The following RBFOX1 variants were observed in gnomAD, a reference collection of about 807,000 sequenced individuals.
The protein encoded by RBFOX1 is RNA binding protein fox-1 homolog 1.
In RBFOX1, 8 loss-of-function variants were observed where a neutral mutation model predicts 57.7. The ratio of observed to expected loss-of-function variants is 0.14; its 90% CI spans 0.08 to 0.25. The LOEUF is 0.25. Ranked by LOEUF, RBFOX1 falls within the 10% of genes least tolerant of loss-of-function variation. RBFOX1 has a pLI of 1.00. For missense variants in RBFOX1, 611 were observed against 548.5 expected (o/e 1.11, Z -1.14); for synonymous variants, 326 against 222.4 (o/e 1.47, Z -4.15).
At chr16:6,487,150 G>GTA (rs1567401555) in intron 2 of RBFOX1, among the ~76,000 whole-genome samples, 1 of 84,762 alleles carries the variant, frequency 1.2e-5, no homozygotes, top group Non-Finnish European at 3.2e-5. Context: ...GTTTCTGTGT[G>GTA]TGTGTGTGTG....
At chr16:6,548,618 G>T (rs1486233310) in intron 2 of RBFOX1, among the ~76,000 whole-genome samples, 1 of 152,080 alleles carries the variant, frequency 6.6e-6, no homozygotes, top group Non-Finnish European at 1.5e-5. Flanking sequence ...TAAGCTGAAG[G>T]AAAAAAGAAT....
At chr16:7,643,955 A>G (rs1216144839) in intron 11 of RBFOX1, among the ~76,000 whole-genome samples, 1 of 152,194 alleles carries the variant, frequency 6.6e-6, no homozygotes, top group Non-Finnish European at 1.5e-5. Flanking sequence ...CCTGCAAATT[A>G]ACCCAGTCTA....
chr16:6,180,782 T>C (rs1287758284), intron 1 of RBFOX1, among the ~76,000 whole-genome samples: 1 of 152,124 alleles, frequency 6.6e-6, no homozygotes, highest in Non-Finnish European at 1.5e-5. Flanking sequence ...GCCAGGCTGG[T>C]CTCGAACTCC....
intron 4 of RBFOX1, among the ~76,000 whole-genome samples, chr16:5,919,714 T>G (rs1374099624): frequency 1.3e-5 from 2 of 152,214 alleles, no homozygotes; most frequent in Non-Finnish European, 2.9e-5. Flanking sequence ...CACCTTGATC[T>G]CGTTTCAAAA....
chr16:5,579,272 C>T (rs891892681), intron 2 of RBFOX1, among the ~76,000 whole-genome samples: 2 of 152,124 alleles, frequency 1.3e-5, no homozygotes, highest in Non-Finnish European at 2.9e-5. Context: ...TATGCAGAAA[C>T]CCTCCAGGCA....
At chr16:6,522,967 A>G (rs1240695477) in intron 2 of RBFOX1, among the ~76,000 whole-genome samples, 1 of 152,184 alleles carries the variant, frequency 6.6e-6, no homozygotes, top group Non-Finnish European at 1.5e-5. Flanking sequence ...GGTTCTTTAA[A>G]GAACCAGCTC....
chr16:6,175,612 C>T (rs1311680456), intron 1 of RBFOX1, among the ~76,000 whole-genome samples: 1 of 152,088 alleles, frequency 6.6e-6, no homozygotes, highest in East Asian at 1.9e-4. Context: ...CTCTCAAGGG[C>T]ACGCTGTAGG....
intron 4 of RBFOX1, among the ~76,000 whole-genome samples, chr16:7,340,619 C>G (rs1322429531): frequency 6.6e-6 from 1 of 152,160 alleles, no homozygotes; most frequent in Non-Finnish European, 1.5e-5. Flanking sequence ...TTCTCAGATT[C>G]ATGATCCATG....
intron 3 of RBFOX1, among the ~76,000 whole-genome samples, chr16:6,973,001 G>A (rs191688618): frequency 6.6e-6 from 1 of 152,072 alleles, no homozygotes; most frequent in Non-Finnish European, 1.5e-5. Flanking sequence ...CACGGTGGTA[G>A]GCACCTGTAA....
chr16:7,159,019 C>G (rs989130499), intron 4 of RBFOX1, among the ~76,000 whole-genome samples: 1 of 151,816 alleles, frequency 6.6e-6, no homozygotes, highest in Non-Finnish European at 1.5e-5. Flanking sequence ...ATTTCTCTCA[C>G]CCCTACCCCC....
chr16:7,674,780 G>T (rs986854775), intron 13 of RBFOX1, among the ~76,000 whole-genome samples: 6 of 152,172 alleles, frequency 3.9e-5, no homozygotes, highest in South Asian at 2.1e-4. Context: ...ACTAGTCAGT[G>T]TGGTTCATTT....
At position 6,095,353 on chromosome 16, in the gene RBFOX1, G is replaced by T. The variant is rs78528175; in HGVS notation, c.-127+75361G>T. Reference sequence around the variant, plus strand: ...TAGGACATCTCCCTTATTTCTAAGAGTAGGAGCTCATGAAACTCCAACACC... The same window carrying T: ...TAGGACATCTCCCTTATTTCTAAGATTAGGAGCTCATGAAACTCCAACACC... On this transcript the variant is annotated intron_variant, in intron 1 of 15. Coordinates refer to ENST00000550418, the MANE Select transcript of RBFOX1 (RefSeq NM_018723.4). Among the ~76,000 whole-genome samples, 576 of 152,314 alleles carry T rather than the reference G, an allele frequency of 3.8e-3. 6 individuals are homozygous for T. Among genetic ancestry groups the T allele is most frequent in the African/African-American group, 0.013 (540 of 41,568 alleles).
chr16:5,533,542 G>A (rs1038392252), intron 2 of RBFOX1, among the ~76,000 whole-genome samples: 4 of 152,212 alleles, frequency 2.6e-5, no homozygotes, highest in African/African-American at 9.6e-5. Flanking sequence ...AGTCTGAGCA[G>A]ACTCCGTGAC....
intron 3 of RBFOX1, among the ~76,000 whole-genome samples, chr16:6,671,810 C>T (rs901784921): frequency 6.6e-6 from 1 of 152,126 alleles, no homozygotes; most frequent in Non-Finnish European, 1.5e-5. Context: ...CTTTTTATGA[C>T]GGAGTAGTAT....
chr16:6,635,556 A>G (rs2098424547), intron 2 of RBFOX1, among the ~76,000 whole-genome samples: 1 of 152,156 alleles, frequency 6.6e-6, no homozygotes, highest in South Asian at 2.1e-4. Context: ...TCTGGAAAAT[A>G]AAAAGAGGTA....
chr16:6,605,209 G>A (rs1024363774), intron 2 of RBFOX1, among the ~76,000 whole-genome samples: 2 of 151,982 alleles, frequency 1.3e-5, no homozygotes, highest in Admixed American at 6.6e-5. Flanking sequence ...ACTGTACTGG[G>A]TGACAGAGCA....
At chr16:6,434,586 T>C (rs573651117) in intron 2 of RBFOX1, among the ~76,000 whole-genome samples, 1 of 152,320 alleles carries the variant, frequency 6.6e-6, no homozygotes, top group Admixed American at 6.5e-5. Context: ...TAGAATTCAG[T>C]CTATAAATAT....
intron 1 of RBFOX1, among the ~76,000 whole-genome samples, chr16:6,020,208 G>A (rs1390901886): frequency 6.6e-6 from 1 of 151,932 alleles, no homozygotes; most frequent in African/African-American, 2.4e-5. Flanking sequence ...GCCCCCTTGT[G>A]CGTCGCTTCC....
chr16:7,280,018 AC>A (rs1366889856), intron 4 of RBFOX1, among the ~76,000 whole-genome samples: 1 of 152,118 alleles, frequency 6.6e-6, no homozygotes, highest in Non-Finnish European at 1.5e-5. Context: ...GCGCCACATC[AC>A]CTGCTCTGAA....
Sources: gnomAD v4.1 joint callset for allele counts (sites outside exome capture counted in the v4.1 genomes callset) on GRCh38, gnomAD v4.1.1 for gene constraint, MANE v1.5 for transcripts, NCBI Gene and HGNC (gene_info 2026-07-23, HGNC 2026-07-21) for gene names.